CSMD1: variants seen among roughly 807,000 people sequenced by gnomAD.
CSMD1 encodes CUB and sushi domain-containing protein 1.
In CSMD1, 213 loss-of-function variants were observed where a neutral mutation model predicts 417.5. The ratio of observed to expected loss-of-function variants is 0.51; its 90% CI spans 0.46 to 0.57. CSMD1 has a LOEUF of 0.57. Among genes scored for constraint, CSMD1 ranks in the 20% least tolerant of loss-of-function variants. The pLI, the probability that CSMD1 is intolerant of heterozygous loss-of-function variation, is 0.00. For missense variants in CSMD1, 6,923 were observed against 4,529.7 expected (o/e 1.53, Z -15.17); for synonymous variants, 2,862 against 1,736.8 (o/e 1.65, Z -16.11).
chr8:4,407,279 A>C (rs1395044197), intron 3 of CSMD1, among the ~76,000 whole-genome samples: 1 of 152,234 alleles, frequency 6.6e-6, no homozygotes, highest in Non-Finnish European at 1.5e-5. Flanking sequence ...CTTTTGGAGT[A>C]ATTTCATAGG....
chr8:4,377,822 A>G (rs1287339132), intron 3 of CSMD1, among the ~76,000 whole-genome samples: 1 of 152,208 alleles, frequency 6.6e-6, no homozygotes, highest in Non-Finnish European at 1.5e-5. Context: ...AGCTTTGTGT[A>G]TAAATATTTT....
intron 3 of CSMD1, among the ~76,000 whole-genome samples, chr8:4,115,916 G>A (rs1228289216): frequency 6.6e-6 from 1 of 152,034 alleles, no homozygotes; most frequent in Non-Finnish European, 1.5e-5. Context: ...GGTTGCCAGT[G>A]ACTGGGGGCA....
At chr8:4,438,310 T>C (rs1585074682) in intron 2 of CSMD1, among the ~76,000 whole-genome samples, 2 of 152,210 alleles carry the variant, frequency 1.3e-5, no homozygotes, top group Admixed American at 6.5e-5. Flanking sequence ...GGAGGTGGTG[T>C]CTGAAGCAGC....
rs1204536838 is a variant in CSMD1, at chr8:3,933,027, A to G, written c.818+64876T>C. 1.2e-4 allele frequency among the ~76,000 whole-genome samples: 7 copies of G among 57,004 alleles called. 1 individual carries two copies. Among genetic ancestry groups the G allele is most frequent in the African/African-American group, 5.1e-4 (7 of 13,728 alleles). The allele number at this position is 57,004 out of a possible 152,430, so 37.4% of individuals were successfully genotyped here. On this transcript the variant is annotated intron_variant, in intron 5 of 69. Transcript: ENST00000635120. Reference sequence around the variant, plus strand: ...TAACATTATAGAACAAGTGAAATGTATGATAAAAAAAAAAAACTGCTTGTG... The same window carrying G: ...TAACATTATAGAACAAGTGAAATGTGTGATAAAAAAAAAAAACTGCTTGTG...
chr8:4,385,277 T>G (rs1803373500), intron 3 of CSMD1, among the ~76,000 whole-genome samples: 2 of 152,190 alleles, frequency 1.3e-5, no homozygotes, highest in South Asian at 4.1e-4. Flanking sequence ...CATCAGGCTT[T>G]CAAAATACTA....
chr8:4,383,276 T>G (rs1185582512), intron 3 of CSMD1, among the ~76,000 whole-genome samples: 2 of 152,162 alleles, frequency 1.3e-5, no homozygotes, highest in Admixed American at 1.3e-4. Context: ...TTGTATTCCT[T>G]TCCAAGGGCA....
chr8:4,658,016 G>C (rs1256557013), intron 1 of CSMD1, among the ~76,000 whole-genome samples: 1 of 151,754 alleles, frequency 6.6e-6, no homozygotes. Flanking sequence ...CTAAAATTAA[G>C]AAAGTTGAAA....
At chr8:4,417,092 G>T (rs1345597488) in intron 3 of CSMD1, among the ~76,000 whole-genome samples, 1 of 151,968 alleles carries the variant, frequency 6.6e-6, no homozygotes, top group Non-Finnish European at 1.5e-5. Flanking sequence ...TCTATATTTA[G>T]CAGTTAAAAT....
At chr8:3,144,093 C>G (rs1023841640) in intron 40 of CSMD1, among the ~76,000 whole-genome samples, 4 of 152,122 alleles carry the variant, frequency 2.6e-5, no homozygotes, top group African/African-American at 9.7e-5. Flanking sequence ...CAACAGTATG[C>G]CTGGGGTCCG....
chr8:2,954,226 G>C lies in CSMD1; in HGVS notation c.10037C>G (p.Pro3346Arg). The change falls in exon 65 of 70, where the codon CCA becomes CGA. Residue 3346 changes from proline to arginine, a missense_variant and splice_region_variant. By Grantham distance (103) the Pro-to-Arg change is moderately radical. Transcript: ENST00000635120. ...REVNETVTKT[P>R]VPSDVFFVNS... ...TAGAACTGTTCTGGTATACAAACCT[G>C]GAGTTTTAGTAACTGTTTCATTAAC... The C allele has an allele frequency of 6.7e-7, 1 of 1,496,814 alleles. No homozygotes were observed. Among genetic ancestry groups the C allele is most frequent in the Non-Finnish European group, 9.1e-7 (1 of 1,102,828 alleles). 92.7% of individuals were successfully genotyped at this position (1,496,814 alleles called of 1,614,324 possible).
At chr8:3,489,292 G>C (rs903082581) in intron 11 of CSMD1, among the ~76,000 whole-genome samples, 18 of 152,166 alleles carry the variant, frequency 1.2e-4, no homozygotes, top group African/African-American at 3.9e-4. Context: ...CACACATCTG[G>C]TTAGGCAGAG....
At chr8:4,011,379 G>C (rs1816520759) in intron 4 of CSMD1, among the ~76,000 whole-genome samples, 1 of 152,156 alleles carries the variant, frequency 6.6e-6, no homozygotes, top group African/African-American at 2.4e-5. Context: ...TTCCATGTCT[G>C]CTTCCAGACT....
intron 7 of CSMD1, among the ~76,000 whole-genome samples, chr8:3,644,237 G>C (rs1338099052): frequency 1.3e-5 from 2 of 152,176 alleles, no homozygotes; most frequent in African/African-American, 4.8e-5. Context: ...CCAGGTCGTT[G>C]AGGTGACACT....
chr8:3,643,309 A>G (rs1392320537), intron 7 of CSMD1, among the ~76,000 whole-genome samples: 1 of 152,098 alleles, frequency 6.6e-6, no homozygotes, highest in Admixed American at 6.5e-5. Context: ...ACGGGCAAAG[A>G]AAGAGGTGAA....
At chr8:4,944,657 T>C (rs1446952667) in intron 1 of CSMD1, among the ~76,000 whole-genome samples, 1 of 152,178 alleles carries the variant, frequency 6.6e-6, no homozygotes, top group Non-Finnish European at 1.5e-5. Flanking sequence ...ATGTTCGATA[T>C]TATTGATCAT....
chr8:3,556,255 C>A (rs1271124012), intron 10 of CSMD1, among the ~76,000 whole-genome samples: 2 of 151,126 alleles, frequency 1.3e-5, no homozygotes, highest in Non-Finnish European at 3.0e-5. Flanking sequence ...TTTTTTGGTA[C>A]CCATTAACCA....
At chr8:4,639,977 G>T (rs1193111111) in intron 1 of CSMD1, among the ~76,000 whole-genome samples, 1 of 152,076 alleles carries the variant, frequency 6.6e-6, no homozygotes, top group Non-Finnish European at 1.5e-5. Context: ...TCTGCTTTAC[G>T]AGTAATTCTT....
At chr8:3,383,824 G>A (rs575314314) in intron 18 of CSMD1, among the ~76,000 whole-genome samples, 2 of 152,106 alleles carry the variant, frequency 1.3e-5, no homozygotes, top group African/African-American at 2.4e-5. Flanking sequence ...CAGAACAACT[G>A]AAATGTCAGC....
At chr8:4,096,475 C>A (rs974398298) in intron 3 of CSMD1, among the ~76,000 whole-genome samples, 30 of 152,260 alleles carry the variant, frequency 2.0e-4, no homozygotes, top group Middle Eastern at 6.8e-3. Flanking sequence ...ATCTTTGAGG[C>A]AATCCCCATA....
Sources: allele counts gnomAD v4.1 joint callset (sites outside exome capture counted in the v4.1 genomes callset), GRCh38; gene constraint gnomAD v4.1.1; transcripts MANE v1.5; gene names NCBI Gene and HGNC (gene_info 2026-07-23, HGNC 2026-07-21).